CTNNA2: variants seen among roughly 807,000 people sequenced by gnomAD.
CTNNA2 encodes catenin alpha 2.
CTNNA2 carries 42 observed loss-of-function variants against 101.0 expected under a neutral mutation model. The ratio of observed to expected loss-of-function variants is 0.42; its 90% CI spans 0.32 to 0.54. The LOEUF (loss-of-function observed/expected upper bound fraction) is 0.54, where lower values mean the gene tolerates loss of function less well. Ranked by LOEUF, CTNNA2 falls within the 20% of genes least tolerant of loss-of-function variation. The pLI is 0.14. For missense variants in CTNNA2, 871 were observed against 1,223.1 expected (o/e 0.71, Z 4.29); for synonymous variants, 450 against 456.4 (o/e 0.99, Z 0.18).
chr2:79,488,605 A>T (rs1233837236), intron 4 of CTNNA2, among the ~76,000 whole-genome samples: 2 of 152,208 alleles, frequency 1.3e-5, no homozygotes, highest in Non-Finnish European at 1.5e-5. Flanking sequence ...CATGTGATAG[A>T]CATTGTTCAT....
chr2:80,218,749 G>A (rs930724128), intron 7 of CTNNA2, among the ~76,000 whole-genome samples: 3 of 152,170 alleles, frequency 2.0e-5, no homozygotes, highest in Non-Finnish European at 4.4e-5. Flanking sequence ...ATAGCTATTA[G>A]TATTCATGTT....
intron 12 of CTNNA2, among the ~76,000 whole-genome samples, chr2:80,567,689 A>G (rs911858333): frequency 1.3e-5 from 2 of 152,122 alleles, no homozygotes; most frequent in Non-Finnish European, 2.9e-5. Flanking sequence ...GTGATCCTCC[A>G]AATTAATATT....
intron 1 of CTNNA2, among the ~76,000 whole-genome samples, chr2:79,641,126 T>G (rs1558794998): frequency 6.6e-6 from 1 of 152,228 alleles, no homozygotes; most frequent in East Asian, 1.9e-4. Flanking sequence ...GGTCAGAAAG[T>G]GGAATATCTG....
rs115644314 is a variant in CTNNA2, at chr2:80,584,167, G to A, written c.2007+2348G>A. Among the ~76,000 whole-genome samples, 957 of 152,144 alleles carry A rather than the reference G, an allele frequency of 6.3e-3. 12 individuals carry two copies. Among genetic ancestry groups the A allele is most frequent in the African/African-American group, 0.022 (919 of 41,520 alleles). ...AGTTGGTCCAAATTTTGAAGGAGGC[G>A]AACTTTGTCTTTGACAGAGGCATTT... On this transcript the variant is annotated intron_variant, in intron 14 of 18. Transcript: ENST00000402739.
At chr2:79,912,200 TCTC>T (rs1451650658) in intron 7 of CTNNA2, among the ~76,000 whole-genome samples, 2 of 152,226 alleles carry the variant, frequency 1.3e-5, no homozygotes, top group African/African-American at 2.4e-5. Context: ...TTTCTAAAAA[TCTC>T]CTCATCAGTC....
rs75305720 is a variant in CTNNA2, at chr2:79,663,773, G to A, written c.102+12115G>A. Among the ~76,000 whole-genome samples the A allele has an allele frequency of 3.4e-3, 524 of 152,228 alleles. 12 individuals carry two copies. In the East Asian group the frequency reaches 0.048, roughly 14 times the overall value. On this transcript the variant is annotated intron_variant, in intron 2 of 18. Coordinates refer to ENST00000402739, the MANE Select transcript of CTNNA2 (RefSeq NM_001282597.3). ...TTTCTCTGACTCCTCCAATAAGCAGGAAGTCTCATGTAGATAGAAATGATG... is the reference window on the plus strand; with the variant it reads ...TTTCTCTGACTCCTCCAATAAGCAGAAAGTCTCATGTAGATAGAAATGATG...
chr2:79,231,240 G>A (rs1248355528), intron 2 of CTNNA2, among the ~76,000 whole-genome samples: 1 of 152,204 alleles, frequency 6.6e-6, no homozygotes, highest in Non-Finnish European at 1.5e-5. Flanking sequence ...CCCACAAGTT[G>A]TGGGAGAGAC....
chr2:79,571,952 GC>G (rs1283752441), intron 1 of CTNNA2, among the ~76,000 whole-genome samples: 2 of 152,076 alleles, frequency 1.3e-5, no homozygotes, highest in Non-Finnish European at 1.5e-5. Flanking sequence ...GCAGAACACT[GC>G]CCATACTGTG....
intron 3 of CTNNA2, among the ~76,000 whole-genome samples, chr2:79,810,757 TATGAGTGA>T (rs1676958245): frequency 1.3e-5 from 2 of 152,020 alleles, no homozygotes; most frequent in East Asian, 3.9e-4. Context: ...AATTCCCACC[TATGAGTGA>T]GAACATGCAG....
intron 7 of CTNNA2, among the ~76,000 whole-genome samples, chr2:80,168,636 G>A (rs1704849859): frequency 6.6e-6 from 1 of 152,118 alleles, no homozygotes; most frequent in South Asian, 2.1e-4. Flanking sequence ...ATTCTTTTAT[G>A]TAATTAATAG....
At chr2:80,236,545 A>G (rs1489663601) in intron 7 of CTNNA2, among the ~76,000 whole-genome samples, 1 of 152,178 alleles carries the variant, frequency 6.6e-6, no homozygotes, top group Non-Finnish European at 1.5e-5. Flanking sequence ...TTGCAAATGA[A>G]GACTCAGGCA....
intron 2 of CTNNA2, among the ~76,000 whole-genome samples, chr2:79,221,681 C>G (rs545382467): frequency 6.6e-6 from 1 of 151,710 alleles, no homozygotes; most frequent in Non-Finnish European, 1.5e-5. Context: ...AACAATAAGT[C>G]TAAGAATAAA....
intron 1 of CTNNA2, among the ~76,000 whole-genome samples, chr2:79,548,658 G>A (rs1029273133): frequency 1.3e-5 from 2 of 152,158 alleles, no homozygotes; most frequent in African/African-American, 2.4e-5. Context: ...AGTGAATTTG[G>A]TGAAATCTAC....
At chr2:80,591,457 G>GGTTTTTTTTTTTTT (rs1696484942) in intron 15 of CTNNA2, among the ~76,000 whole-genome samples, 1 of 70,314 alleles carries the variant, frequency 1.4e-5, no homozygotes, top group Non-Finnish European at 3.0e-5. Flanking sequence ...TGCACAGCCT[G>GGTTTTTTTTTTTTT]TTTTTTTTTT....
chr2:80,347,838 C>CTTTTTT lies in CTNNA2; in HGVS notation c.1057-45369_1057-45368insTTTTTT, dbSNP rs778989197. On this transcript the variant is annotated intron_variant, in intron 7 of 18. Transcript: ENST00000402739. ...CACATTATCTTTTCCTTTTTCTTTTCTTTTCTTTTTTTTTTTCCAGAAGGG... is the reference window on the plus strand; with the variant it reads ...CACATTATCTTTTCCTTTTTCTTTTCTTTTTTTTTTCTTTTTTTTTTTCCAGAAGGG... 2.3e-3 allele frequency among the ~76,000 whole-genome samples: 345 copies of CTTTTTT among 146,830 alleles called. 2 individuals are homozygous for CTTTTTT. The highest frequency in any genetic ancestry group is 2.6e-3 in the Non-Finnish European group (174 of 67,252).
intron 9 of CTNNA2, among the ~76,000 whole-genome samples, chr2:80,452,577 G>A (rs1435931608): frequency 6.6e-6 from 1 of 151,712 alleles, no homozygotes; most frequent in East Asian, 1.9e-4. Flanking sequence ...CAGATTCTGA[G>A]CCATATGGCA....
chr2:80,390,972 A>T (rs542992631), intron 7 of CTNNA2, among the ~76,000 whole-genome samples: 70 of 152,110 alleles, frequency 4.6e-4, no homozygotes, highest in South Asian at 2.5e-3. Context: ...TCTACTAAAA[A>T]TACAAAAAAA....
chr2:80,439,712 G>A (rs1682383537), intron 9 of CTNNA2, among the ~76,000 whole-genome samples: 1 of 152,050 alleles, frequency 6.6e-6, no homozygotes, highest in Non-Finnish European at 1.5e-5. Flanking sequence ...TATCTTATAA[G>A]GTATTTTTAT....
intron 7 of CTNNA2, among the ~76,000 whole-genome samples, chr2:80,387,922 C>G (rs556132240): frequency 1.2e-4 from 18 of 152,280 alleles, no homozygotes; most frequent in Non-Finnish European, 1.6e-4. Context: ...AGTAGTCCCG[C>G]CTGGCTTCGT....
Sources: gnomAD v4.1 joint callset for allele counts (sites outside exome capture counted in the v4.1 genomes callset) on GRCh38, gnomAD v4.1.1 for gene constraint, MANE v1.5 for transcripts, NCBI Gene and HGNC (gene_info 2026-07-23, HGNC 2026-07-21) for gene names.